MIS18BP1: variants seen among roughly 807,000 people sequenced by gnomAD.
The protein encoded by MIS18BP1 is mis18-binding protein 1.
A neutral mutation model predicts 116.1 loss-of-function variants in MIS18BP1; 72 were observed. The ratio of observed to expected loss-of-function variants is 0.62; its 90% CI spans 0.51 to 0.75. The LOEUF (loss-of-function observed/expected upper bound fraction) is 0.75. Ranked by LOEUF, MIS18BP1 falls within the 30% of genes least tolerant of loss-of-function variation. The pLI, the probability that MIS18BP1 is intolerant of heterozygous loss-of-function variation, is 0.00. For missense variants in MIS18BP1, 1,363 were observed against 1,303.2 expected, an observed-to-expected ratio of 1.05 and a Z score of -0.71; for synonymous variants, 386 against 427.0, an observed-to-expected ratio of 0.90 and a Z score of 1.18.
At chr14:45,231,032 G>C (rs1327324068) in intron 8 of MIS18BP1, 109 bp downstream of exon 8, 1 of 1,106,250 alleles carries the variant, frequency 9.0e-7, no homozygotes, top group Non-Finnish European at 1.2e-6. Context: ...ATAAGTCAAA[G>C]AATACTATAC....
At position 45,224,077 on chromosome 14, in the gene MIS18BP1, G is replaced by A; in HGVS notation, c.2510C>T (p.Pro837Leu). 1 of 1,612,290 alleles carries A rather than the reference G, an allele frequency of 6.2e-7. No homozygotes were observed. Among genetic ancestry groups the A allele is most frequent in the African/African-American group, 1.3e-5 (1 of 74,810 alleles). The change falls in exon 11 of 17, where the codon CCT becomes CTT. Residue 837 changes from proline (P) to leucine (L), a missense_variant. By Grantham distance (98) the Pro-to-Leu change is moderately conservative. Coordinates refer to ENST00000310806, the MANE Select transcript of MIS18BP1 (RefSeq NM_018353.5). ...EFYIKQKKAR[P>L]SVKETLQKSG... ...CTTCTGAAGAGTTTCTTTGACGGAA[G>A]GTCTAGCTTTCTTTTGTTTGATATA...
chr14:45,237,530 A>G (rs914309031), intron 5 of MIS18BP1, 118 bp downstream of exon 5: 1 of 1,245,288 alleles, frequency 8.0e-7, no homozygotes, highest in Non-Finnish European at 1.1e-6. Flanking sequence ...TTTTGCCTTC[A>G]GTTCATAACC....
intron 6 of MIS18BP1, 60 bp downstream of exon 6, chr14:45,235,754 A>G: frequency 1.4e-6 from 2 of 1,444,202 alleles, no homozygotes; most frequent in Non-Finnish European, 1.9e-6. Context: ...TATTACTGTG[A>G]GAAACATGGT....
rs1395403829 is a variant in MIS18BP1, at chr14:45,246,954, T to A, written c.333A>T (p.Pro111=). 1 of 1,605,166 alleles carries A rather than the reference T, an allele frequency of 6.2e-7. No homozygotes were observed. Among genetic ancestry groups the A allele is most frequent in the Non-Finnish European group, 8.5e-7 (1 of 1,177,940 alleles). ...CTTTCATTCTTAGAAATATTTTTCC[T>A]GGTGATTCATAGTTTGCTTTATTTT... ...GLKNKANYES[P]GKIFLRMKEK... is the part of the protein sequence containing the mutation. The change falls in exon 2 of 17, where the codon CCA becomes CCT. Residue 111 remains proline (P), a synonymous_variant. Transcript: ENST00000310806.
At chr14:45,245,898 G>C (rs991457106) in intron 2 of MIS18BP1, among the ~76,000 whole-genome samples, 6 of 152,072 alleles carry the variant, frequency 3.9e-5, no homozygotes, top group African/African-American at 1.2e-4. Flanking sequence ...TTTTAATAGA[G>C]GTTATCAAAA....
At chr14:45,238,729 G>A (rs944085163) in intron 4 of MIS18BP1, among the ~76,000 whole-genome samples, 27 of 152,308 alleles carry the variant, frequency 1.8e-4, no homozygotes, top group African/African-American at 6.5e-4. Context: ...AGAGGCAGAG[G>A]TGGGAGGATC....
intron 9 of MIS18BP1, 80 bp from the exon 10 acceptor site, chr14:45,226,916 C>G: frequency 6.3e-6 from 7 of 1,117,584 alleles, no homozygotes; most frequent in Non-Finnish European, 8.1e-6. Flanking sequence ...TAGTATGCAT[C>G]AAGCATACAA....
At chr14:45,215,104 G>C (rs1238889394) in intron 13 of MIS18BP1, among the ~76,000 whole-genome samples, 1 of 152,118 alleles carries the variant, frequency 6.6e-6, no homozygotes, top group African/African-American at 2.4e-5. Context: ...TACATATATA[G>C]AACCTGAAAT....
At chr14:45,233,029 T>C (rs1192206288) in intron 6 of MIS18BP1, among the ~76,000 whole-genome samples, 1 of 152,152 alleles carries the variant, frequency 6.6e-6, no homozygotes, top group Non-Finnish European at 1.5e-5. Flanking sequence ...AAAAAGTAGC[T>C]AACCAATAAG....
At chr14:45,207,391 G>T (rs1490015276) in intron 14 of MIS18BP1, among the ~76,000 whole-genome samples, 1 of 152,080 alleles carries the variant, frequency 6.6e-6, no homozygotes, top group African/African-American at 2.4e-5. Flanking sequence ...AAATGAACAG[G>T]TGTGATCCCA....
chr14:45,223,878 C>T, intron 11 of MIS18BP1, 40 bp downstream of exon 11: 1 of 1,414,914 alleles, frequency 7.1e-7, no homozygotes, highest in Non-Finnish European at 9.5e-7. Flanking sequence ...TGTCTTGTGG[C>T]TGCTCTGTAG....
chr14:45,204,848 C>CTATT (rs1566798717), intron 15 of MIS18BP1, among the ~76,000 whole-genome samples: 1 of 151,922 alleles, frequency 6.6e-6, no homozygotes, highest in African/African-American at 2.4e-5. Flanking sequence ...AATTACAATA[C>CTATT]TATACTGTAC....
intron 12 of MIS18BP1, among the ~76,000 whole-genome samples, chr14:45,217,626 G>A (rs533703465): frequency 6.6e-6 from 1 of 151,808 alleles, no homozygotes; most frequent in South Asian, 2.1e-4. Flanking sequence ...TGTAGAGATG[G>A]GGTTTCACCA....
rs771151891 is a variant in MIS18BP1, at chr14:45,210,437, A to C, written c.3095T>G (p.Leu1032Trp). 5 of 1,614,066 alleles carry C rather than the reference A, an allele frequency of 3.1e-6. No homozygotes were observed. The Admixed American group carries it at 8.3e-5, about 27-fold the overall frequency. ...ATGCTGACATTGAGGAGTTTTTACCAATGGAAAGATAACTGATGATGGAGT... is the reference window on the plus strand; with the variant it reads ...ATGCTGACATTGAGGAGTTTTTACCCATGGAAAGATAACTGATGATGGAGT... The part of the protein sequence containing the change: ...PTTPSSVIFP[L>W]VKTPQCQHVS... Residue 1032 changes from leucine (L) to tryptophan (W), a missense_variant, in exon 14 of 17, where the codon TTG becomes TGG. Transcript: ENST00000310806.
chr14:45,223,810 CTTTT>C, intron 11 of MIS18BP1, 104 bp downstream of exon 11: 1 of 791,558 alleles, frequency 1.3e-6, no homozygotes, highest in Middle Eastern at 3.3e-4. Flanking sequence ...TAATTTCTCC[CTTTT>C]TTTTAATGAC....
chr14:45,204,074 G>T lies in MIS18BP1; in HGVS notation c.*35C>A. On this transcript the variant is annotated 3_prime_UTR_variant, in exon 17 of 17. Transcript: ENST00000310806. ...AAAATACAAACACTGTCTGCTTTATGGTAAAAATCCCAGGAATCATATTTT... is the reference window on the plus strand; with the variant it reads ...AAAATACAAACACTGTCTGCTTTATTGTAAAAATCCCAGGAATCATATTTT... 6.3e-7 allele frequency: 1 copy of T among 1,598,496 alleles called. No individual in the cohort carries two copies. The highest frequency in any genetic ancestry group is 1.1e-5 in the South Asian group (1 of 87,940).
At chr14:45,232,865 A>C in intron 6 of MIS18BP1, 45 bp from the exon 7 acceptor site, 1 of 904,902 alleles carries the variant, frequency 1.1e-6, no homozygotes, top group Non-Finnish European at 1.7e-6. Context: ...AAAGCCTAGA[A>C]TTTTAAACAG....
intron 4 of MIS18BP1, among the ~76,000 whole-genome samples, chr14:45,238,265 A>C (rs1265304347): frequency 1.3e-5 from 2 of 152,202 alleles, no homozygotes; most frequent in Non-Finnish European, 2.9e-5. Context: ...ACTACAAGTA[A>C]AATATCATTC....
At chr14:45,206,409 C>T (rs560692272) in intron 14 of MIS18BP1, 49 of 373,728 alleles carry the variant, frequency 1.3e-4, no homozygotes, top group African/African-American at 9.9e-4. Context: ...AACTCAGCCT[C>T]CCAAGTAGCT....
Sources: allele counts gnomAD v4.1 joint callset (sites outside exome capture counted in the v4.1 genomes callset), GRCh38; gene constraint gnomAD v4.1.1; transcripts MANE v1.5; gene names NCBI Gene and HGNC (gene_info 2026-07-23, HGNC 2026-07-21).